IP6K2: variants seen among roughly 807,000 people sequenced by gnomAD.
IP6K2 encodes ATP:1D-myo-inositol-hexakisphosphate phosphotransferase.
A neutral mutation model predicts 43.3 loss-of-function variants in IP6K2; 9 were observed. The observed-to-expected ratio is 0.21, with a 90% confidence interval of 0.13 to 0.36. The LOEUF (loss-of-function observed/expected upper bound fraction) is 0.36. Ranked by LOEUF, IP6K2 falls within the 10% of genes least tolerant of loss-of-function variation. The probability of loss-of-function intolerance (pLI) is 1.00; values close to 1 mark genes in which losing one functional copy is unlikely to be tolerated. For missense variants in IP6K2, 332 were observed against 538.4 expected (o/e 0.62, Z 3.79); for synonymous variants, 209 against 202.4 (o/e 1.03, Z -0.28).
chr3:48,701,567 CAAAAAAAAAAAA>C (rs67509214), intron 1 of IP6K2, among the ~76,000 whole-genome samples: 5 of 47,480 alleles, frequency 1.1e-4, no homozygotes, highest in Admixed American at 3.8e-4. Context: ...GACTCCGTCT[CAAAAAAAAAAAA>C]AAAAAAAAAA....
chr3:48,699,125 T>C (rs2078737120), intron 1 of IP6K2, among the ~76,000 whole-genome samples: 1 of 152,058 alleles, frequency 6.6e-6, no homozygotes, highest in South Asian at 2.1e-4. Context: ...AGAGCATAGC[T>C]GGGGCCGGGC....
In IP6K2 at chr3:48,695,297, G is replaced by T; in HGVS notation, c.-6C>A. ...GCCCTGAAGGCTGGGCTCATCCTCCGGGCGCAGATGGCGGGGAGATGGGGG... is the reference window on the plus strand; with the variant it reads ...GCCCTGAAGGCTGGGCTCATCCTCCTGGCGCAGATGGCGGGGAGATGGGGG... On this transcript the variant is annotated 5_prime_UTR_variant, in exon 2 of 6. Coordinates refer to ENST00000328631, the MANE Select transcript of IP6K2 (RefSeq NM_016291.4). This position sits in a 1 kb window ranked among gnomAD's most constrained non-coding sequence, Gnocchi z 4.6. The T allele has an allele frequency of 6.3e-7, 1 of 1,599,102 alleles. No individual in the cohort carries two copies. The highest frequency in any genetic ancestry group is 1.1e-5 in the South Asian group (1 of 90,176).
intron 4 of IP6K2, among the ~76,000 whole-genome samples, chr3:48,690,000 C>T (rs1470198090): frequency 6.6e-6 from 1 of 152,222 alleles, no homozygotes; most frequent in Admixed American, 6.5e-5. Context: ...GAACTCTTAG[C>T]TAAGTGTAGG....
At chr3:48,698,437 G>A (rs147691536) in intron 1 of IP6K2, among the ~76,000 whole-genome samples, 1 of 152,096 alleles carries the variant, frequency 6.6e-6, no homozygotes, top group Non-Finnish European at 1.5e-5. Flanking sequence ...TTGAGACTAG[G>A]AGTTGACAAC....
At chr3:48,701,885 G>A (rs781418099) in intron 1 of IP6K2, among the ~76,000 whole-genome samples, 23 of 152,164 alleles carry the variant, frequency 1.5e-4, no homozygotes, top group Non-Finnish European at 2.5e-4. Flanking sequence ...GCAACAGAGC[G>A]AGACTTCGTC....
rs2077951272 is a variant in IP6K2, at chr3:48,693,172, T to C, written c.210A>G (p.Val70=). 4 of 1,613,244 alleles carry C rather than the reference T, an allele frequency of 2.5e-6. No individual in the cohort carries two copies. Among genetic ancestry groups the C allele is most frequent in the African/African-American group, 1.3e-5 (1 of 75,034 alleles). The change falls in exon 3 of 6, where the codon GTA becomes GTG. Residue 70 remains valine, a synonymous_variant. Coordinates refer to ENST00000328631, the MANE Select transcript of IP6K2 (RefSeq NM_016291.4). ...RKFTPQYKGV[V]SVRFEEDEDR... is the part of the protein sequence containing the mutation. ...CTTCATCTTCTTCAAAGCGCACAGA[T>C]ACCACACCTGGAAGGGGGTGAGGAG...
At chr3:48,705,729 G>A (rs947651722) in intron 1 of IP6K2, among the ~76,000 whole-genome samples, 3 of 151,786 alleles carry the variant, frequency 2.0e-5, no homozygotes, top group South Asian at 2.1e-4. Context: ...TTGGCCAAGC[G>A]TGGTGGCTCA....
intron 1 of IP6K2, among the ~76,000 whole-genome samples, chr3:48,702,342 G>GT (rs2079146180): frequency 6.6e-6 from 1 of 152,004 alleles, no homozygotes; most frequent in African/African-American, 2.4e-5. Flanking sequence ...TGTACCTCAG[G>GT]GCCTTTGTAC....
chr3:48,702,837 TCTA>T (rs2079220649), intron 1 of IP6K2, among the ~76,000 whole-genome samples: 1 of 152,146 alleles, frequency 6.6e-6, no homozygotes, highest in African/African-American at 2.4e-5. Context: ...ATCTCCAGGA[TCTA>T]CAAGAGCACC....
intron 1 of IP6K2, among the ~76,000 whole-genome samples, chr3:48,702,879 G>C (rs1375756673): frequency 6.6e-6 from 1 of 152,122 alleles, no homozygotes; most frequent in African/African-American, 2.4e-5. Context: ...CACAAAATGT[G>C]CCTCAAATCA....
At chr3:48,694,029 G>C in intron 2 of IP6K2, 1 of 1,424,134 alleles carries the variant, frequency 7.0e-7, no homozygotes, top group Non-Finnish European at 9.2e-7. Flanking sequence ...AGGCCTCTCT[G>C]CCCCAGCATC....
chr3:48,707,320 G>A (rs1049503553), intron 1 of IP6K2, among the ~76,000 whole-genome samples: 4 of 152,048 alleles, frequency 2.6e-5, no homozygotes, highest in South Asian at 4.1e-4. Context: ...CCCACCCTTC[G>A]TACTCAGAGC....
chr3:48,713,904 G>C (rs966559888), intron 1 of IP6K2, among the ~76,000 whole-genome samples: 1 of 151,980 alleles, frequency 6.6e-6, no homozygotes, highest in Middle Eastern at 3.2e-3. Flanking sequence ...ATCACCTAAG[G>C]TCAGGAGTTC....
rs1243512637 is a variant in IP6K2, at chr3:48,693,052, G to A, written c.330C>T (p.Leu110=). The change falls in exon 3 of 6, where the codon CTC becomes CTT. Residue 110 remains leucine, a synonymous_variant. Coordinates refer to ENST00000328631, the MANE Select transcript of IP6K2 (RefSeq NM_016291.4). The part of the protein sequence containing the change: ...DNSDCEPKSK[L]LRWTTNKKHH... ...GTTTTTTGTTTGTTGTCCACCTTAG[G>A]AGCTTACTTTTTGGTTCACAGTCTG... The A allele has an allele frequency of 1.9e-6, 3 of 1,614,170 alleles. No homozygotes were observed. The highest frequency in any genetic ancestry group is 2.5e-6 in the Non-Finnish European group (3 of 1,180,014).
chr3:48,715,191 A>C (rs1382437920), intron 1 of IP6K2: 2 of 985,762 alleles, frequency 2.0e-6, no homozygotes, highest in East Asian at 5.2e-5. Flanking sequence ...CTTACTTTCT[A>C]ATGTATAAGA....
intron 1 of IP6K2, among the ~76,000 whole-genome samples, chr3:48,704,852 A>C (rs1281204881): frequency 6.6e-6 from 1 of 151,728 alleles, no homozygotes; most frequent in Non-Finnish European, 1.5e-5. Context: ...ACCTCACGGC[A>C]ACCTCTGCCT....
chr3:48,694,599 T>C lies in IP6K2; in HGVS notation c.202+491A>G, dbSNP rs73830476. On this transcript the variant is annotated intron_variant, in intron 2 of 5. Transcript: ENST00000328631. ...GAAGGGTTGCTTTCATATAGCAATT[T>C]TGGGGACATTCTGTAACAGCAAAGG... The C allele has an allele frequency of 2.3e-3, 3,453 of 1,521,886 alleles. 72 individuals are homozygous for C. In the African/African-American group the frequency reaches 0.04, roughly 18 times the overall value. The allele number at this position is 1,521,886 out of a possible 1,614,324, so 94.3% of individuals were successfully genotyped here.
chr3:48,712,203 G>A (rs1040497335), intron 1 of IP6K2, among the ~76,000 whole-genome samples: 1 of 151,118 alleles, frequency 6.6e-6, no homozygotes, highest in South Asian at 2.1e-4. Flanking sequence ...AGACCAGCCT[G>A]GGTAAAAAAA....
intron 1 of IP6K2, chr3:48,715,553 A>AT: frequency 8.0e-7 from 1 of 1,249,154 alleles, no homozygotes; most frequent in Admixed American, 2.0e-5. Flanking sequence ...GAAATCTATT[A>AT]TATCTGTTAC....
Sources: gnomAD v4.1 joint callset for allele counts (sites outside exome capture counted in the v4.1 genomes callset) on GRCh38, gnomAD v4.1.1 for gene constraint, Gnocchi (gnomAD v3.1) non-coding constraint, MANE v1.5 for transcripts, NCBI Gene and HGNC (gene_info 2026-07-23, HGNC 2026-07-21) for gene names.